The following RNF150 variants were observed in gnomAD, a reference collection of about 807,000 sequenced individuals.
RNF150 encodes the protein ring finger protein 150.
In RNF150, 24 loss-of-function variants were observed where a neutral mutation model predicts 39.3. The observed-to-expected ratio is 0.61, with a 90% CI of 0.44 to 0.86. The LOEUF is 0.86. RNF150 is among the 40% of genes least tolerant of loss of function. The probability of loss-of-function intolerance (pLI) is 0.00; values close to 1 mark genes in which losing one functional copy is unlikely to be tolerated. For missense variants in RNF150, 502 were observed against 587.8 expected (o/e 0.85, Z 1.51); for synonymous variants, 255 against 227.3 (o/e 1.12, Z -1.10).
At chr4:141,161,934 A>T (rs1727518918) in intron 1 of RNF150, among the ~76,000 whole-genome samples, 1 of 152,240 alleles carries the variant, frequency 6.6e-6, no homozygotes, top group Non-Finnish European at 1.5e-5. Context: ...TCAGGGGCAC[A>T]GTCCTTATGG....
In RNF150 at chr4:141,125,237, CA is replaced by C. The variant is rs200232889; in HGVS notation, c.484+7087del. On this transcript the variant is annotated intron_variant, in intron 1 of 6. Transcript: ENST00000515673. ...GCAATGAATACCTCAAAGTTTAAAA[CA>C]AGAGTAAAGGTCATATTATACCTGT... Among the ~76,000 whole-genome samples, 1,235 of 146,016 alleles carry C rather than the reference CA, an allele frequency of 8.5e-3. 18 individuals carry two copies. Among genetic ancestry groups the C allele is most frequent in the African/African-American group, 0.029 (1,150 of 39,552 alleles).
At chr4:141,014,083 T>C (rs180784436) in intron 1 of RNF150, among the ~76,000 whole-genome samples, 75 of 152,324 alleles carry the variant, frequency 4.9e-4, no homozygotes, top group African/African-American at 1.7e-3. Flanking sequence ...TAAGATCATA[T>C]GGTATCTGTC....
chr4:140,918,014 C>G (rs1730918568), intron 5 of RNF150, among the ~76,000 whole-genome samples: 1 of 151,396 alleles, frequency 6.6e-6, no homozygotes, highest in Non-Finnish European at 1.5e-5. Context: ...ACACAACATA[C>G]CAGAATCTCT....
At chr4:141,206,088 G>A (rs1443516831) in intron 1 of RNF150, among the ~76,000 whole-genome samples, 2 of 152,030 alleles carry the variant, frequency 1.3e-5, no homozygotes, top group Non-Finnish European at 2.9e-5. Context: ...CTTTGCACTG[G>A]CAGTTCCTTC....
At chr4:141,038,228 T>C (rs565802478) in intron 1 of RNF150, among the ~76,000 whole-genome samples, 1 of 152,240 alleles carries the variant, frequency 6.6e-6, no homozygotes, top group South Asian at 2.1e-4. Flanking sequence ...CTCTGGAAAG[T>C]GCAGGAGATA....
intron 1 of RNF150, among the ~76,000 whole-genome samples, chr4:141,029,281 CA>C (rs1344918666): frequency 6.6e-6 from 1 of 152,154 alleles, no homozygotes; most frequent in Non-Finnish European, 1.5e-5. Flanking sequence ...CATCACAATT[CA>C]ATTCCAAGCA....
intron 1 of RNF150, among the ~76,000 whole-genome samples, chr4:141,059,349 A>C (rs191817036): frequency 6.6e-6 from 1 of 152,146 alleles, no homozygotes; most frequent in Admixed American, 6.6e-5. Context: ...TCATATCCAC[A>C]GTCTAAATAA....
At chr4:141,102,555 A>G (rs1217911182) in intron 1 of RNF150, among the ~76,000 whole-genome samples, 2 of 152,180 alleles carry the variant, frequency 1.3e-5, no homozygotes, top group Non-Finnish European at 2.9e-5. Flanking sequence ...AAATTTCTAC[A>G]TAAGAGGCAG....
chr4:141,130,452 T>C (rs1272521584), intron 1 of RNF150, among the ~76,000 whole-genome samples: 1 of 152,200 alleles, frequency 6.6e-6, no homozygotes, highest in Non-Finnish European at 1.5e-5. Context: ...ACAGTATTAC[T>C]AAACTTCCAC....
At chr4:141,060,394 C>T (rs1427264770) in intron 1 of RNF150, among the ~76,000 whole-genome samples, 1 of 152,098 alleles carries the variant, frequency 6.6e-6, no homozygotes, top group Non-Finnish European at 1.5e-5. Context: ...TGAGCCATGG[C>T]TGAGCCACTG....
At chr4:141,160,673 T>C (rs910009022) in intron 1 of RNF150, among the ~76,000 whole-genome samples, 3 of 152,178 alleles carry the variant, frequency 2.0e-5, no homozygotes, top group Non-Finnish European at 4.4e-5. Flanking sequence ...TCTTTGGTAC[T>C]ATAGAGTGAG....
At chr4:141,050,252 G>A (rs962082158) in intron 1 of RNF150, among the ~76,000 whole-genome samples, 3 of 152,012 alleles carry the variant, frequency 2.0e-5, no homozygotes, top group Non-Finnish European at 4.4e-5. Flanking sequence ...CCCATGACAT[G>A]TGGGAATTAT....
At chr4:140,901,631 T>C (rs2111251626) in intron 6 of RNF150, among the ~76,000 whole-genome samples, 1 of 152,364 alleles carries the variant, frequency 6.6e-6, no homozygotes, top group East Asian at 1.9e-4. Context: ...AATCTAACTG[T>C]ATGCCATAAA....
chr4:141,025,535 A>C (rs1221348604), intron 1 of RNF150, among the ~76,000 whole-genome samples: 2 of 152,178 alleles, frequency 1.3e-5, no homozygotes, highest in Non-Finnish European at 2.9e-5. Context: ...AAAGCTGAAA[A>C]AAAATGAAAA....
Position 140,865,553 on chromosome 4 carries a change from CT to C in RNF150, c.*2707del, listed in dbSNP as rs11384745. On this transcript the variant is annotated 3_prime_UTR_variant, in exon 7 of 7. Transcript: ENST00000515673. ...CTTTCTGGTTAAGCTTTTTTTTTTT[CT>C]TTTTTTTTTTTTTTTTAAACTATCA... 0.037 allele frequency: 4,538 copies of C among 124,048 alleles called. 56 individuals are homozygous for C. The highest frequency in any genetic ancestry group is 0.044 in the Non-Finnish European group (2,527 of 57,310). The allele number at this position is 124,048 out of a possible 1,614,324, so 7.7% of individuals were successfully genotyped here.
At chr4:141,123,241 C>T (rs1168570190) in intron 1 of RNF150, among the ~76,000 whole-genome samples, 2 of 152,286 alleles carry the variant, frequency 1.3e-5, no homozygotes, top group South Asian at 2.1e-4. Flanking sequence ...AGGGACTGCT[C>T]TAGGCTTGGG....
intron 5 of RNF150, among the ~76,000 whole-genome samples, chr4:140,922,920 T>A (rs911414246): frequency 6.6e-6 from 1 of 150,880 alleles, no homozygotes; most frequent in Non-Finnish European, 1.5e-5. Context: ...TAGACATATG[T>A]AGAAAGCTGA....
chr4:141,083,153 A>G (rs544833273), intron 1 of RNF150, among the ~76,000 whole-genome samples: 11 of 152,234 alleles, frequency 7.2e-5, no homozygotes, highest in Non-Finnish European at 1.5e-4. Flanking sequence ...GGCTCATCAC[A>G]GATGGGGAAC....
At chr4:140,938,756 G>A (rs1731960813) in intron 4 of RNF150, among the ~76,000 whole-genome samples, 1 of 152,164 alleles carries the variant, frequency 6.6e-6, no homozygotes, top group Non-Finnish European at 1.5e-5. Flanking sequence ...TTTCTCATGT[G>A]CTTTACACTA....
Sources: gnomAD v4.1 joint callset for allele counts (sites outside exome capture counted in the v4.1 genomes callset) on GRCh38, gnomAD v4.1.1 for gene constraint, MANE v1.5 for transcripts, NCBI Gene and HGNC (gene_info 2026-07-23, HGNC 2026-07-21) for gene names.